Variants in SGCZ observed in about 807,000 individuals in gnomAD.
SGCZ encodes the protein sarcoglycan zeta, also known as zeta-sarcoglycan.
Under a neutral mutation model 41.3 loss-of-function variants are expected in SGCZ, and 40 were observed. That is an observed-to-expected ratio of 0.97 (90% CI 0.75 to 1.26). SGCZ has a LOEUF of 1.26. Among genes scored for constraint, SGCZ ranks in the 50% most tolerant of loss-of-function variants. The pLI is 0.00. For missense variants in SGCZ, 552 were observed against 369.8 expected (o/e 1.49, Z -4.04); for synonymous variants, 206 against 137.5 (o/e 1.50, Z -3.49).
intron 1 of SGCZ, among the ~76,000 whole-genome samples, chr8:14,784,525 G>A (rs1800692231): frequency 6.6e-6 from 1 of 151,938 alleles, no homozygotes; most frequent in African/African-American, 2.4e-5. Context: ...TGATGAACTG[G>A]TAGTACCATT....
At chr8:15,183,606 G>A (rs902574040) in intron 1 of SGCZ, among the ~76,000 whole-genome samples, 1 of 152,160 alleles carries the variant, frequency 6.6e-6, no homozygotes, top group Non-Finnish European at 1.5e-5. Context: ...AGGGGATTGG[G>A]TTAAAGCCAA....
chr8:14,627,940 G>A (rs963633967), intron 1 of SGCZ, among the ~76,000 whole-genome samples: 1 of 152,030 alleles, frequency 6.6e-6, no homozygotes, highest in Non-Finnish European at 1.5e-5. Flanking sequence ...ATAATTTTAA[G>A]CTTCAGCTAC....
At chr8:14,606,294 A>T (rs1805746405) in intron 1 of SGCZ, among the ~76,000 whole-genome samples, 1 of 151,822 alleles carries the variant, frequency 6.6e-6, no homozygotes, top group Admixed American at 6.6e-5. Context: ...CTTCATATTC[A>T]CTAATAGCTT....
At chr8:14,830,834 T>C (rs1313140361) in intron 1 of SGCZ, among the ~76,000 whole-genome samples, 1 of 152,174 alleles carries the variant, frequency 6.6e-6, no homozygotes, top group Non-Finnish European at 1.5e-5. Context: ...AACGAAAACA[T>C]GTTTTCTCAT....
At chr8:14,709,857 T>C (rs1489346949) in intron 1 of SGCZ, among the ~76,000 whole-genome samples, 1 of 152,154 alleles carries the variant, frequency 6.6e-6, no homozygotes. Context: ...TCTGTTGCAA[T>C]CTACACTACT....
intron 2 of SGCZ, among the ~76,000 whole-genome samples, chr8:14,529,773 G>A (rs1281594278): frequency 1.3e-5 from 2 of 151,984 alleles, no homozygotes; most frequent in Non-Finnish European, 2.9e-5. Flanking sequence ...CTTCTCTGGA[G>A]TCCTTGATAA....
chr8:14,406,801 A>T (rs978545959), intron 2 of SGCZ, among the ~76,000 whole-genome samples: 1 of 152,180 alleles, frequency 6.6e-6, no homozygotes, highest in Non-Finnish European at 1.5e-5. Context: ...AAAATAATTA[A>T]AAGTGGGTAT....
intron 1 of SGCZ, among the ~76,000 whole-genome samples, chr8:14,721,595 C>G (rs568395723): frequency 2.0e-5 from 3 of 152,294 alleles, no homozygotes; most frequent in Admixed American, 2.0e-4. Context: ...CTCTACCACT[C>G]ACAGCCTGGT....
intron 5 of SGCZ, among the ~76,000 whole-genome samples, chr8:14,163,164 A>T (rs1045756718): frequency 5.3e-5 from 8 of 152,170 alleles, no homozygotes; most frequent in Non-Finnish European, 8.8e-5. Flanking sequence ...TGTCCAGCCA[A>T]TACACTTTTT....
At chr8:15,161,052 T>A (rs548317059) in intron 1 of SGCZ, among the ~76,000 whole-genome samples, 1 of 152,208 alleles carries the variant, frequency 6.6e-6, no homozygotes, top group South Asian at 2.1e-4. Flanking sequence ...ACGGCCTCTT[T>A]CTCTGCAAGA....
At chr8:14,779,430 CT>C (rs1400893127) in intron 1 of SGCZ, among the ~76,000 whole-genome samples, 3 of 152,124 alleles carry the variant, frequency 2.0e-5, no homozygotes, top group Non-Finnish European at 2.9e-5. Context: ...CCGGTCAAGC[CT>C]TCAAATGATT....
intron 1 of SGCZ, among the ~76,000 whole-genome samples, chr8:14,814,336 T>A (rs1370815271): frequency 1.3e-5 from 2 of 152,070 alleles, no homozygotes; most frequent in Non-Finnish European, 2.9e-5. Context: ...AGGGCCCTGT[T>A]TGAGTTTTTC....
intron 1 of SGCZ, among the ~76,000 whole-genome samples, chr8:14,878,251 G>C (rs771725528): frequency 2.0e-5 from 3 of 147,550 alleles, no homozygotes; most frequent in Non-Finnish European, 3.0e-5. Context: ...AAGACAATTC[G>C]ACACTTACTA....
chr8:14,362,935 A>G (rs74907737), intron 2 of SGCZ, among the ~76,000 whole-genome samples: 7,053 of 152,276 alleles, frequency 0.046, 537 homozygotes, highest in African/African-American at 0.16. Context: ...GATAACTAAT[A>G]TATAGTACAA....
At chr8:14,673,715 C>A (rs557987283) in intron 1 of SGCZ, among the ~76,000 whole-genome samples, 2 of 151,926 alleles carry the variant, frequency 1.3e-5, no homozygotes, top group South Asian at 2.1e-4. Flanking sequence ...AATAAATGAA[C>A]GAATAAATGA....
intron 1 of SGCZ, among the ~76,000 whole-genome samples, chr8:15,210,851 C>A (rs1038146419): frequency 2.0e-5 from 3 of 151,968 alleles, no homozygotes; most frequent in African/African-American, 7.2e-5. Flanking sequence ...TCCCATTAAA[C>A]CTTTTCTTAT....
At chr8:14,385,906 A>C (rs535672712) in intron 2 of SGCZ, among the ~76,000 whole-genome samples, 2 of 152,278 alleles carry the variant, frequency 1.3e-5, no homozygotes, top group Admixed American at 6.5e-5. Flanking sequence ...ATGGCATAGT[A>C]TTTGCAAATA....
intron 1 of SGCZ, among the ~76,000 whole-genome samples, chr8:14,592,628 A>G (rs933340672): frequency 3.3e-5 from 5 of 152,194 alleles, no homozygotes; most frequent in Non-Finnish European, 7.3e-5. Flanking sequence ...ACAAAAAAAC[A>G]AACTTTTAAG....
chr8:14,687,700 G>T (rs941246460), intron 1 of SGCZ, among the ~76,000 whole-genome samples: 7 of 151,432 alleles, frequency 4.6e-5, no homozygotes, highest in Non-Finnish European at 7.4e-5. Context: ...AGTCCTTTGG[G>T]TATATACCCA....
Sources: gnomAD v4.1 joint callset for allele counts (sites outside exome capture counted in the v4.1 genomes callset) on GRCh38, gnomAD v4.1.1 for gene constraint, MANE v1.5 for transcripts, NCBI Gene and HGNC (gene_info 2026-07-23, HGNC 2026-07-21) for gene names.